The following INPP5A variants were observed in gnomAD, a reference collection of about 807,000 sequenced individuals.
The protein encoded by INPP5A is 43 kDa inositol polyphosphate 5-phophatase.
In INPP5A, 14 loss-of-function variants were observed where a neutral mutation model predicts 65.2. The observed-to-expected ratio is 0.21, with a 90% confidence interval of 0.14 to 0.34. The LOEUF (loss-of-function observed/expected upper bound fraction) is 0.34. Ranked by LOEUF, INPP5A falls within the 10% of genes least tolerant of loss-of-function variation. The pLI is 1.00. For missense variants in INPP5A, 431 were observed against 545.6 expected, an observed-to-expected ratio of 0.79 and a Z score of 2.09; for synonymous variants, 207 against 208.3, an observed-to-expected ratio of 0.99 and a Z score of 0.05.
At chr10:132,623,709 A>C (rs2072137440) in intron 2 of INPP5A, among the ~76,000 whole-genome samples, 1 of 152,250 alleles carries the variant, frequency 6.6e-6, no homozygotes, top group South Asian at 2.1e-4. Context: ...GAATGAAAAG[A>C]CATATCACAG....
At chr10:132,584,515 A>G (rs879915941) in intron 1 of INPP5A, among the ~76,000 whole-genome samples, 5 of 152,318 alleles carry the variant, frequency 3.3e-5, no homozygotes, top group Admixed American at 2.6e-4. Flanking sequence ...AAATTATTTA[A>G]ATGATCAGTC....
At chr10:132,752,467 T>G (rs1372400553) in intron 11 of INPP5A, among the ~76,000 whole-genome samples, 5 of 54,040 alleles carry the variant, frequency 9.3e-5, no homozygotes, top group Non-Finnish European at 1.5e-4. Flanking sequence ...GAGGGGGGTG[T>G]GGCATGGAGA....
rs2072196519 is a variant in INPP5A, at chr10:132,627,211, A to G, written c.118-18657A>G. ...TGACAGCTCCAGAACTGGGAGAAAT[A>G]CGTGTCTCGTTTAGGCTCTCTGGTC... On this transcript the variant is annotated intron_variant, in intron 2 of 15. Coordinates refer to ENST00000368594, the MANE Select transcript of INPP5A (RefSeq NM_005539.5). This position sits in a 1 kb window ranked among gnomAD's most constrained non-coding sequence, Gnocchi z 6.6. Among the ~76,000 whole-genome samples the G allele has an allele frequency of 6.6e-6, 1 of 152,102 alleles. No individual in the cohort carries two copies. The highest frequency in any genetic ancestry group is 2.4e-5 in the African/African-American group (1 of 41,412).
At chr10:132,612,010 G>T (rs1197943194) in intron 2 of INPP5A, among the ~76,000 whole-genome samples, 10 of 142,888 alleles carry the variant, frequency 7.0e-5, no homozygotes, top group African/African-American at 2.4e-4. Flanking sequence ...GGGAGGTGAG[G>T]AGGGTAGGGG....
At chr10:132,577,227 C>T (rs367946488) in intron 1 of INPP5A, among the ~76,000 whole-genome samples, 3 of 152,162 alleles carry the variant, frequency 2.0e-5, no homozygotes, top group South Asian at 2.1e-4. Context: ...GTTGCTCCCC[C>T]CCGGCACGCC....
At position 132,644,149 on chromosome 10, in the gene INPP5A, G is replaced by A. The variant is rs1037971368; in HGVS notation, c.118-1719G>A. Among the ~76,000 whole-genome samples the A allele has an allele frequency of 1.3e-5, 2 of 152,204 alleles. No individual in the cohort carries two copies. Among genetic ancestry groups the A allele is most frequent in the Non-Finnish European group, 2.9e-5 (2 of 68,024 alleles). On this transcript the variant is annotated intron_variant, in intron 2 of 15. Transcript: ENST00000368594. The surrounding 1 kb of genome is among the most constrained non-coding windows in gnomAD (Gnocchi z 6.5). ...CCTTGGGAACCACGTTGGGCCGTCT[G>A]TTAGGGAGAAGTGCACTGCCTGGGC...
At chr10:132,652,106 CA>C (rs1282632384) in intron 4 of INPP5A, among the ~76,000 whole-genome samples, 2 of 151,672 alleles carry the variant, frequency 1.3e-5, no homozygotes, top group African/African-American at 4.9e-5. Context: ...CCATCCTTTC[CA>C]TAAAATGGCA....
chr10:132,553,949 G>A (rs967406620), intron 1 of INPP5A, among the ~76,000 whole-genome samples: 1 of 149,528 alleles, frequency 6.7e-6, no homozygotes, highest in Non-Finnish European at 1.5e-5. Context: ...GGATAGGGAG[G>A]GAGGATTGGT....
At chr10:132,739,243 T>G (rs1240518833) in intron 9 of INPP5A, among the ~76,000 whole-genome samples, 6 of 151,472 alleles carry the variant, frequency 4.0e-5, no homozygotes, top group Admixed American at 3.3e-4. Flanking sequence ...CTGGCTTCAC[T>G]GGGGGCTGAG....
At chr10:132,718,923 G>A (rs1845801774) in intron 8 of INPP5A, among the ~76,000 whole-genome samples, 1 of 150,088 alleles carries the variant, frequency 6.7e-6, no homozygotes, top group South Asian at 2.1e-4. Context: ...TGTCTTGCGG[G>A]TTCTGTGGTA....
chr10:132,561,591 T>C (rs2133269824), intron 1 of INPP5A, among the ~76,000 whole-genome samples: 1 of 152,330 alleles, frequency 6.6e-6, no homozygotes, highest in Non-Finnish European at 1.5e-5. Flanking sequence ...GACCTGATCA[T>C]TGTAGCATTG....
chr10:132,756,830 G>A (rs1846629124), intron 11 of INPP5A, among the ~76,000 whole-genome samples: 3 of 152,260 alleles, frequency 2.0e-5, no homozygotes, highest in South Asian at 4.1e-4. Context: ...GCGGGTGGTT[G>A]CCCCTGAGGG....
At chr10:132,596,910 T>G (rs1409168763) in intron 1 of INPP5A, among the ~76,000 whole-genome samples, 1 of 54,992 alleles carries the variant, frequency 1.8e-5, no homozygotes, top group Non-Finnish European at 5.1e-5. Flanking sequence ...CCTGTGCATG[T>G]GTGCATGTGT....
intron 2 of INPP5A, among the ~76,000 whole-genome samples, chr10:132,636,837 A>G (rs2072359172): frequency 6.6e-6 from 1 of 152,214 alleles, no homozygotes; most frequent in African/African-American, 2.4e-5. Flanking sequence ...TGTTTAGGAA[A>G]GGTCATTCTG....
intron 1 of INPP5A, among the ~76,000 whole-genome samples, chr10:132,598,027 T>C (rs889606426): frequency 1.3e-5 from 2 of 152,274 alleles, no homozygotes; most frequent in Non-Finnish European, 2.9e-5. Context: ...GTCTCAGATT[T>C]ACTGTCTGTT....
chr10:132,718,919 G>C (rs1008462437), intron 8 of INPP5A, among the ~76,000 whole-genome samples: 3 of 144,902 alleles, frequency 2.1e-5, no homozygotes, highest in Non-Finnish European at 3.0e-5. Flanking sequence ...CGGCTGTCTT[G>C]CGGGTTCTGT....
At chr10:132,752,394 CG>C (rs1846502329) in intron 11 of INPP5A, among the ~76,000 whole-genome samples, 1 of 117,784 alleles carries the variant, frequency 8.5e-6, no homozygotes, top group African/African-American at 3.4e-5. Context: ...AGTTCCCAGC[CG>C]GGGCTGCGTG....
chr10:132,585,368 G>A (rs534194384), intron 1 of INPP5A, among the ~76,000 whole-genome samples: 2 of 152,238 alleles, frequency 1.3e-5, no homozygotes, highest in African/African-American at 4.8e-5. Context: ...GAGAGAAAGC[G>A]CGAGTGCGAG....
At position 132,674,518 on chromosome 10, in the gene INPP5A, G is replaced by A. The variant is rs2072937140; in HGVS notation, c.307-15874G>A. 6.6e-6 allele frequency among the ~76,000 whole-genome samples: 1 copy of A among 152,200 alleles called. No individual in the cohort carries two copies. Reference sequence around the variant, plus strand: ...TCTCTTCCTCTGTCAGCTGATCATAGGGAACTTCCCATGAGGCCATCGGTG... The same window carrying A: ...TCTCTTCCTCTGTCAGCTGATCATAAGGAACTTCCCATGAGGCCATCGGTG... On this transcript the variant is annotated intron_variant, in intron 4 of 15. Transcript: ENST00000368594. This position sits in a 1 kb window ranked among gnomAD's most constrained non-coding sequence, Gnocchi z 4.4.
Sources: allele counts gnomAD v4.1 joint callset (sites outside exome capture counted in the v4.1 genomes callset), GRCh38; gene constraint gnomAD v4.1.1; non-coding constraint Gnocchi (gnomAD v3.1); transcripts MANE v1.5; gene names NCBI Gene and HGNC (gene_info 2026-07-23, HGNC 2026-07-21).